The following CHD1L variants were observed in gnomAD, a reference collection of about 807,000 sequenced individuals.
CHD1L encodes chromodomain helicase DNA binding protein 1 like, also known as ATP-dependent chromatin remodeler CHD1L.
CHD1L carries 118 observed loss-of-function variants against 115.9 expected under a neutral mutation model. The ratio of observed to expected loss-of-function variants is 1.02; its 90% CI spans 0.88 to 1.19. CHD1L has a LOEUF of 1.19. CHD1L is among the 50% of genes most tolerant of loss of function. The pLI, the probability that CHD1L is intolerant of heterozygous loss-of-function variation, is 0.00. For missense variants in CHD1L, 1,179 were observed against 1,065.3 expected (o/e 1.11, Z -1.49); for synonymous variants, 411 against 387.1 (o/e 1.06, Z -0.72).
At chr1:147,287,152 A>G (rs1683496625) in intron 18 of CHD1L, among the ~76,000 whole-genome samples, 1 of 152,196 alleles carries the variant, frequency 6.6e-6, no homozygotes, top group South Asian at 2.1e-4. Context: ...ACGATGCCTT[A>G]CGTGTAATAC....
At chr1:147,260,267 T>C (rs1196534323) in intron 6 of CHD1L, 3 of 167,956 alleles carry the variant, frequency 1.8e-5, no homozygotes, top group Admixed American at 1.8e-4. Flanking sequence ...TATAGTATCA[T>C]ACAGAGTAGT....
At chr1:147,213,555 C>T in the CHD1L span, 1 of 1,175,334 alleles carries the variant, frequency 8.5e-7, no homozygotes, top group Non-Finnish European at 1.2e-6. Flanking sequence ...ATATCACAGA[C>T]ACTATCACAT....
intron 18 of CHD1L, among the ~76,000 whole-genome samples, chr1:147,286,736 A>G (rs1435207975): frequency 2.0e-5 from 3 of 152,200 alleles, no homozygotes; most frequent in Non-Finnish European, 4.4e-5. Flanking sequence ...ATGATGGGAC[A>G]ATATCTGTCT....
chr1:147,278,266 C>T (rs1679375394), intron 14 of CHD1L, among the ~76,000 whole-genome samples: 1 of 106,412 alleles, frequency 9.4e-6, no homozygotes, highest in Non-Finnish European at 1.7e-5. Flanking sequence ...CGTTCTGTTG[C>T]CAGGCTGGAG....
chr1:147,291,444 T>TG, intron 19 of CHD1L, 38 bp from the exon 20 acceptor site: 1 of 1,525,758 alleles, frequency 6.6e-7, no homozygotes, highest in Non-Finnish European at 9.1e-7. Context: ...TTAGTGAACT[T>TG]GGTGTTCTTT....
intron 19 of CHD1L, 61 bp from the exon 20 acceptor site, chr1:147,291,421 G>A (rs1199244352): frequency 7.4e-7 from 1 of 1,350,170 alleles, no homozygotes; most frequent in Non-Finnish European, 1.1e-6. Flanking sequence ...GAGATACGAG[G>A]AGGATTCATT....
intron 14 of CHD1L, among the ~76,000 whole-genome samples, 162 bp downstream of exon 14, chr1:147,276,419 G>C (rs1678507915): frequency 6.6e-6 from 1 of 152,194 alleles, no homozygotes; most frequent in Non-Finnish European, 1.5e-5. Context: ...AGGGTCTGTA[G>C]GAAGTAAGGA....
chr1:147,213,924 C>T, the CHD1L span, among the ~76,000 whole-genome samples: 1 of 152,086 alleles, frequency 6.6e-6, no homozygotes, highest in African/African-American at 2.4e-5. Context: ...GGCTCCTTTT[C>T]CTGGTAGGGT....
upstream of CHD1L, among the ~76,000 whole-genome samples, chr1:147,239,028 G>A (rs965563144): frequency 6.6e-6 from 1 of 152,090 alleles, no homozygotes; most frequent in African/African-American, 2.4e-5. Context: ...AGCAATATCC[G>A]CAGTTCCCAG....
the CHD1L span, among the ~76,000 whole-genome samples, chr1:147,198,867 A>AG: frequency 6.7e-6 from 1 of 150,198 alleles, no homozygotes; most frequent in Non-Finnish European, 1.5e-5. Context: ...AAAAAAAAAA[A>AG]AAAAAAAAGA....
intron 1 of CHD1L, among the ~76,000 whole-genome samples, chr1:147,250,507 T>C (rs1185309174): frequency 1.3e-5 from 2 of 151,722 alleles, no homozygotes; most frequent in Non-Finnish European, 2.9e-5. Flanking sequence ...AGGGTGGGAG[T>C]TGTGGCTCCC....
the CHD1L span, chr1:147,179,195 T>C: frequency 1.2e-6 from 2 of 1,614,094 alleles, no homozygotes; most frequent in Non-Finnish European, 1.7e-6. Context: ...GATGGCAATC[T>C]GAAGAGATAC....
chr1:147,227,956 G>T, the CHD1L span, among the ~76,000 whole-genome samples: 1 of 151,370 alleles, frequency 6.6e-6, no homozygotes, highest in Non-Finnish European at 1.5e-5. Context: ...CTGTCGCCCA[G>T]GCTGGAGTGC....
At position 147,285,403 on chromosome 1, in the gene CHD1L, A is replaced by C. The variant is rs782213864; in HGVS notation, c.1934A>C (p.Lys645Thr). Residue 645 changes from lysine to threonine, a missense_variant, in exon 17 of 23, where the codon AAG becomes ACG. Lys to Thr is a moderately conservative substitution (Grantham distance 78, BLOSUM62 -1). Coordinates refer to ENST00000369258, the MANE Select transcript of CHD1L (RefSeq NM_004284.6). Reference protein sequence around the residue: ...LSPEELEDRQKKRQEAAAKRR... With the variant: ...LSPEELEDRQTKRQEAAAKRR... ...CCAGAAGAGCTGGAGGACAGACAGAAGAAAAGACAAGAAGCAGCTGCCAAG... is the reference window on the plus strand; with the variant it reads ...CCAGAAGAGCTGGAGGACAGACAGACGAAAAGACAAGAAGCAGCTGCCAAG... The C allele has an allele frequency of 6.2e-7, 1 of 1,614,048 alleles. No homozygotes were observed. Among genetic ancestry groups the C allele is most frequent in the Non-Finnish European group, 8.5e-7 (1 of 1,180,008 alleles).
chr1:147,263,296 GGTGA>G (rs1444400226), intron 6 of CHD1L, among the ~76,000 whole-genome samples: 1 of 151,936 alleles, frequency 6.6e-6, no homozygotes, highest in Non-Finnish European at 1.5e-5. Flanking sequence ...TGAATGTGGT[GGTGA>G]GTGTGTGTAG....
chr1:147,261,337 A>G (rs1553943975), intron 6 of CHD1L, among the ~76,000 whole-genome samples: 1 of 151,834 alleles, frequency 6.6e-6, no homozygotes, highest in African/African-American at 2.4e-5. Flanking sequence ...CTGCATCCTC[A>G]CATGACAGAA....
At chr1:147,250,855 A>G (rs587747014) in intron 1 of CHD1L, among the ~76,000 whole-genome samples, 3 of 152,226 alleles carry the variant, frequency 2.0e-5, no homozygotes, top group East Asian at 3.9e-4. Flanking sequence ...CTCACCCTGA[A>G]TTGTAATAAT....
At chr1:147,228,988 T>C in the CHD1L span, among the ~76,000 whole-genome samples, 9 of 152,350 alleles carry the variant, frequency 5.9e-5, no homozygotes, top group South Asian at 1.7e-3. Flanking sequence ...TAGTTTCTTT[T>C]GCTGTGCAGA....
At chr1:147,222,880 A>G in the CHD1L span, among the ~76,000 whole-genome samples, 5 of 152,326 alleles carry the variant, frequency 3.3e-5, no homozygotes, top group Admixed American at 2.6e-4. Context: ...AATTGATTTC[A>G]TGCCTTTTCA....
Sources: gnomAD v4.1 joint callset for allele counts (sites outside exome capture counted in the v4.1 genomes callset) on GRCh38, gnomAD v4.1.1 for gene constraint, MANE v1.5 for transcripts, NCBI Gene and HGNC (gene_info 2026-07-23, HGNC 2026-07-21) for gene names.